The following CFAP144 variants were observed in gnomAD, a reference collection of about 807,000 sequenced individuals.
The protein encoded by CFAP144 is cilia and flagella associated protein 144, also known as cilia- and flagella-associated protein 144.
the CFAP144 span, among the ~76,000 whole-genome samples, chr1:43,144,770 C>T: frequency 6.6e-6 from 1 of 152,258 alleles, no homozygotes; most frequent in African/African-American, 2.4e-5. Flanking sequence ...CCCTGCCTTT[C>T]CCCCGCTCCT....
chr1:43,146,691 C>T, the CFAP144 span, among the ~76,000 whole-genome samples: 1 of 152,154 alleles, frequency 6.6e-6, no homozygotes. Context: ...GTGTCCCAGA[C>T]TAAACCCATT....
the CFAP144 span, among the ~76,000 whole-genome samples, chr1:43,151,233 A>G: frequency 2.6e-5 from 4 of 152,118 alleles, no homozygotes; most frequent in African/African-American, 9.7e-5. Flanking sequence ...CTTTTAGCCT[A>G]TTTCTCAGGA....
At chr1:43,148,770 A>G in the CFAP144 span, among the ~76,000 whole-genome samples, 2 of 152,166 alleles carry the variant, frequency 1.3e-5, no homozygotes, top group Non-Finnish European at 1.5e-5. Flanking sequence ...ATTCACTCTC[A>G]TCATCTAATG....
the CFAP144 span, among the ~76,000 whole-genome samples, chr1:43,143,846 G>T: frequency 6.7e-6 from 1 of 150,302 alleles, no homozygotes; most frequent in Admixed American, 6.6e-5. Flanking sequence ...GCTGGTCTGC[G>T]CTTTGCGCCA....
At chr1:43,152,947 TCCTC>T in the CFAP144 span, 10 of 1,604,952 alleles carry the variant, frequency 6.2e-6, no homozygotes, top group African/African-American at 9.4e-5. Flanking sequence ...CGTGGCTCCT[TCCTC>T]AGGAAATACG....
chr1:43,152,822 T>C, the CFAP144 span: 1 of 1,604,658 alleles, frequency 6.2e-7, no homozygotes, highest in Non-Finnish European at 8.5e-7. Context: ...ATACCTCGTC[T>C]CCCAGCCAGG....
the CFAP144 span, chr1:43,152,884 G>A: frequency 4.3e-6 from 7 of 1,613,498 alleles, no homozygotes; most frequent in Admixed American, 6.7e-5. Context: ...GAAGTACCCA[G>A]AGACACAGAC....
At chr1:43,148,611 T>G in the CFAP144 span, among the ~76,000 whole-genome samples, 15 of 152,020 alleles carry the variant, frequency 9.9e-5, no homozygotes, top group African/African-American at 3.4e-4. Context: ...CCCAACCACC[T>G]CACAGCTCCC....
At chr1:43,148,179 C>CAA in the CFAP144 span, 1 of 1,299,640 alleles carries the variant, frequency 7.7e-7, no homozygotes, top group Non-Finnish European at 1.1e-6. Flanking sequence ...GCGGTCCCAG[C>CAA]AAAAACTCTT....
chr1:43,148,605 A>G, the CFAP144 span, among the ~76,000 whole-genome samples: 4 of 152,096 alleles, frequency 2.6e-5, no homozygotes, highest in Admixed American at 2.0e-4. Context: ...CACACGCCCA[A>G]CCACCTCACA....
chr1:43,146,582 G>A, the CFAP144 span, among the ~76,000 whole-genome samples: 5 of 152,218 alleles, frequency 3.3e-5, no homozygotes, highest in Non-Finnish European at 5.9e-5. Flanking sequence ...AAGCCACACA[G>A]AGGGAAAATA....
At chr1:43,147,065 G>A in the CFAP144 span, among the ~76,000 whole-genome samples, 5 of 152,068 alleles carry the variant, frequency 3.3e-5, no homozygotes, top group African/African-American at 1.2e-4. Flanking sequence ...AGCTGGTCTC[G>A]AACTCCTGAC....
chr1:43,144,727 C>T, the CFAP144 span, among the ~76,000 whole-genome samples: 27 of 152,266 alleles, frequency 1.8e-4, no homozygotes, highest in South Asian at 3.7e-3. Context: ...TCTGCTGCCA[C>T]CACGTTCATC....
At chr1:43,147,847 C>A in the CFAP144 span, 1 of 1,548,666 alleles carries the variant, frequency 6.5e-7, no homozygotes, top group Non-Finnish European at 8.7e-7. Context: ...TACCCGAGCG[C>A]TGTTGCCTGG....
chr1:43,149,711 T>C, the CFAP144 span, among the ~76,000 whole-genome samples: 1 of 152,254 alleles, frequency 6.6e-6, no homozygotes, highest in Non-Finnish European at 1.5e-5. Flanking sequence ...ATGTGAGCCA[T>C]TGGAATAAAG....
chr1:43,144,069 C>T, the CFAP144 span, among the ~76,000 whole-genome samples: 1 of 152,226 alleles, frequency 6.6e-6, no homozygotes, highest in South Asian at 2.1e-4. Context: ...GACTGAGGCA[C>T]TAATTTCTTC....
chr1:43,149,540 C>T, the CFAP144 span, among the ~76,000 whole-genome samples: 1 of 152,178 alleles, frequency 6.6e-6, no homozygotes, highest in Admixed American at 6.5e-5. Flanking sequence ...TTCTAACTAA[C>T]TTGGTTTTCT....
the CFAP144 span, among the ~76,000 whole-genome samples, chr1:43,154,393 CAT>C: frequency 7.1e-5 from 6 of 84,724 alleles, no homozygotes; most frequent in East Asian, 3.8e-4. Flanking sequence ...TATACACACA[CAT>C]ATATGTATAC....
chr1:43,150,804 G>A, the CFAP144 span: 349 of 1,610,138 alleles, frequency 2.2e-4, 4 homozygotes, highest in Middle Eastern at 0.013. Context: ...ATGATAACCT[G>A]GAGGAACCTG....
Sources: gnomAD v4.1 joint callset for allele counts (sites outside exome capture counted in the v4.1 genomes callset) on GRCh38, gnomAD v4.1.1 for gene constraint, MANE v1.5 for transcripts, NCBI Gene and HGNC (gene_info 2026-07-23, HGNC 2026-07-21) for gene names.